Variants in GSK3B observed in about 807,000 individuals in gnomAD.
The protein encoded by GSK3B is glycogen synthase kinase-3 beta.
In GSK3B, 15 loss-of-function variants were observed where a neutral mutation model predicts 56.4. The ratio of observed to expected loss-of-function variants is 0.27; its 90% confidence interval spans 0.18 to 0.41. GSK3B has a LOEUF of 0.41. Ranked by LOEUF, GSK3B falls within the 10% of genes least tolerant of loss-of-function variation. The probability of loss-of-function intolerance (pLI) is 1.00; values close to 1 mark genes in which losing one functional copy is unlikely to be tolerated. For synonymous variants in GSK3B, 181 were observed against 188.9 expected (o/e 0.96, Z 0.34); for missense variants, 300 against 513.4 (o/e 0.58, Z 4.02).
At chr3:119,957,463 A>G (rs1404885029) in intron 2 of GSK3B, among the ~76,000 whole-genome samples, 2 of 152,248 alleles carry the variant, frequency 1.3e-5, no homozygotes, top group Admixed American at 6.5e-5. Context: ...TAAAGTAGAT[A>G]TAAACCAGGT....
At chr3:120,010,623 C>T (rs2057770316) in intron 1 of GSK3B, among the ~76,000 whole-genome samples, 1 of 152,184 alleles carries the variant, frequency 6.6e-6, no homozygotes. Context: ...ACATCTAACT[C>T]ACAAAACAAA....
At chr3:120,020,182 A>G (rs1459045447) in intron 1 of GSK3B, among the ~76,000 whole-genome samples, 3 of 152,208 alleles carry the variant, frequency 2.0e-5, no homozygotes, top group East Asian at 1.9e-4. Context: ...ATAGCAGGTA[A>G]TAACTACGAG....
chr3:120,080,610 C>T (rs2058411086), intron 1 of GSK3B, among the ~76,000 whole-genome samples: 1 of 152,024 alleles, frequency 6.6e-6, no homozygotes, highest in Admixed American at 6.5e-5. Flanking sequence ...GCATCCAGAT[C>T]ATTTGAGGAC....
chr3:120,049,513 A>G (rs950698962), intron 1 of GSK3B, among the ~76,000 whole-genome samples: 2 of 152,250 alleles, frequency 1.3e-5, no homozygotes, highest in Admixed American at 6.5e-5. Flanking sequence ...GAGAAAGAGA[A>G]GAGAGAACAT....
At chr3:120,047,168 GAT>G (rs2058110536) in intron 1 of GSK3B, among the ~76,000 whole-genome samples, 3 of 152,166 alleles carry the variant, frequency 2.0e-5, no homozygotes, top group African/African-American at 7.2e-5. Context: ...AATGTAAGGT[GAT>G]AACCAAACTG....
intron 7 of GSK3B, among the ~76,000 whole-genome samples, chr3:119,878,215 G>C (rs2056337089): frequency 6.6e-6 from 1 of 151,966 alleles, no homozygotes; most frequent in African/African-American, 2.4e-5. Context: ...GAATATATTT[G>C]CAAAATATAT....
At chr3:119,838,390 G>A (rs1302486192) in intron 10 of GSK3B, among the ~76,000 whole-genome samples, 1 of 152,088 alleles carries the variant, frequency 6.6e-6, no homozygotes, top group Non-Finnish European at 1.5e-5. Context: ...AATGTCTCTA[G>A]ATACTAAAGC....
intron 4 of GSK3B, among the ~76,000 whole-genome samples, chr3:119,922,984 A>G (rs909787421): frequency 3.3e-5 from 5 of 152,220 alleles, no homozygotes; most frequent in Non-Finnish European, 7.4e-5. Flanking sequence ...TATAAATGGC[A>G]TCTGTGAACA....
At chr3:120,027,197 A>T (rs1176741250) in intron 1 of GSK3B, among the ~76,000 whole-genome samples, 3 of 150,398 alleles carry the variant, frequency 2.0e-5, no homozygotes, top group Non-Finnish European at 4.4e-5. Flanking sequence ...CAACATGGTG[A>T]AGCCCTGTCT....
At chr3:119,984,359 A>T (rs2057493748) in intron 2 of GSK3B, among the ~76,000 whole-genome samples, 1 of 151,594 alleles carries the variant, frequency 6.6e-6, no homozygotes, top group Admixed American at 6.6e-5. Context: ...CTAAGATCAG[A>T]GCAGAACTGA....
chr3:119,852,765 G>A (rs1003658041), intron 9 of GSK3B, among the ~76,000 whole-genome samples: 1 of 152,188 alleles, frequency 6.6e-6, no homozygotes, highest in African/African-American at 2.4e-5. Flanking sequence ...CCCACTTTTT[G>A]ATGGGGTTGA....
chr3:120,091,682 C>T (rs1459189903), intron 1 of GSK3B, among the ~76,000 whole-genome samples: 1 of 152,120 alleles, frequency 6.6e-6, no homozygotes, highest in Non-Finnish European at 1.5e-5. Context: ...TTTGTATCAT[C>T]ATAGCTGAAA....
At chr3:119,973,395 T>C (rs992744149) in intron 2 of GSK3B, among the ~76,000 whole-genome samples, 4 of 152,224 alleles carry the variant, frequency 2.6e-5, no homozygotes, top group Non-Finnish European at 5.9e-5. Context: ...ACACTGTATA[T>C]ACTACCTGCC....
intron 4 of GSK3B, among the ~76,000 whole-genome samples, chr3:119,922,236 A>G (rs868656738): frequency 2.1e-4 from 24 of 115,870 alleles, no homozygotes; most frequent in African/African-American, 1.4e-4. Context: ...GAGGGAAGGA[A>G]GGAAGGAAGG....
intron 1 of GSK3B, among the ~76,000 whole-genome samples, chr3:120,087,562 G>A (rs1392630942): frequency 6.6e-6 from 1 of 151,786 alleles, no homozygotes; most frequent in Non-Finnish European, 1.5e-5. Context: ...TTTTATTACT[G>A]AATTGATTTG....
intron 4 of GSK3B, among the ~76,000 whole-genome samples, chr3:119,922,223 AAGG>A (rs2056848871): frequency 8.5e-6 from 1 of 117,538 alleles, no homozygotes; most frequent in Non-Finnish European, 1.8e-5. Flanking sequence ...GGAAGGAAGG[AAGG>A]AGGGAAGGAA....
At chr3:120,062,641 T>C (rs1467851770) in intron 1 of GSK3B, among the ~76,000 whole-genome samples, 1 of 152,116 alleles carries the variant, frequency 6.6e-6, no homozygotes, top group Non-Finnish European at 1.5e-5. Flanking sequence ...GTAAAACAAA[T>C]ACAGAGAATG....
At chr3:119,990,187 A>C (rs1396484170) in intron 2 of GSK3B, among the ~76,000 whole-genome samples, 1 of 152,116 alleles carries the variant, frequency 6.6e-6, no homozygotes, top group Non-Finnish European at 1.5e-5. Flanking sequence ...TCCAGTTGGA[A>C]AGATGCTAGC....
At chr3:119,954,224 GAA>G (rs2057187022) in intron 2 of GSK3B, among the ~76,000 whole-genome samples, 3 of 14,522 alleles carry the variant, frequency 2.1e-4, no homozygotes, top group Non-Finnish European at 4.8e-4. Context: ...TGTGGAAGGA[GAA>G]TAGAATAGAA....
Sources: allele counts gnomAD v4.1 joint callset (sites outside exome capture counted in the v4.1 genomes callset), GRCh38; gene constraint gnomAD v4.1.1; transcripts MANE v1.5; gene names NCBI Gene and HGNC (gene_info 2026-07-23, HGNC 2026-07-21).